Variants in CEP350 observed in about 807,000 individuals in gnomAD.
The protein encoded by CEP350 is centrosome-associated protein 350.
Under a neutral mutation model 331.8 loss-of-function variants are expected in CEP350, and 126 were observed. The observed-to-expected ratio is 0.38, with a 90% CI of 0.33 to 0.44. The LOEUF (loss-of-function observed/expected upper bound fraction) is 0.44. Ranked by LOEUF, CEP350 falls within the 20% of genes least tolerant of loss-of-function variation. The probability of loss-of-function intolerance (pLI) is 1.00; values close to 1 mark genes in which losing one functional copy is unlikely to be tolerated. For synonymous variants in CEP350, 1,200 were observed against 1,259.5 expected, an observed-to-expected ratio of 0.95 and a Z score of 1.00; for missense variants, 3,406 against 3,634.6, an observed-to-expected ratio of 0.94 and a Z score of 1.62.
rs552140121 is a variant in CEP350, at chr1:179,970,656, C to T, written c.-13-15513C>T. Among the ~76,000 whole-genome samples the T allele has an allele frequency of 1.9e-4, 29 of 152,212 alleles. 1 individual carries two copies. In the South Asian group the frequency reaches 3.9e-3, roughly 21 times the overall value. On this transcript the variant is annotated intron_variant, in intron 1 of 37. Transcript: ENST00000367607. ...AAGTCATTTTTTTCATCTTTTGTCC[C>T]TTAATGCCTGGCACTTAGTAGGAGG... is the stretch of plus-strand genomic sequence containing the variant.
chr1:180,102,020 A>G (rs1043755427), intron 37 of CEP350, among the ~76,000 whole-genome samples: 2 of 152,142 alleles, frequency 1.3e-5, no homozygotes, highest in Admixed American at 6.5e-5. Flanking sequence ...CCTTCCCCCA[A>G]GGTATTGGGT....
chr1:180,099,045 G>A (rs1301346866), intron 37 of CEP350, 60 bp downstream of exon 37: 2 of 1,527,732 alleles, frequency 1.3e-6, no homozygotes, highest in Non-Finnish European at 1.8e-6. Flanking sequence ...TCAGAATGCA[G>A]TTAGATTCTA....
intron 1 of CEP350, among the ~76,000 whole-genome samples, chr1:179,957,064 A>T (rs568027101): frequency 7.3e-4 from 111 of 152,256 alleles, no homozygotes; most frequent in African/African-American, 2.6e-3. Context: ...ATGAATTATG[A>T]TGGATCACTT....
intron 18 of CEP350, 130 bp downstream of exon 18, chr1:180,041,378 T>C (rs767813619): frequency 3.4e-5 from 24 of 709,022 alleles, no homozygotes; most frequent in Non-Finnish European, 5.5e-5. Context: ...GTACTTTTTA[T>C]GGGATAATGC....
At chr1:180,034,140 A>T in intron 16 of CEP350, 58 bp downstream of exon 16, 1 of 1,527,002 alleles carries the variant, frequency 6.5e-7, no homozygotes, top group Non-Finnish European at 8.9e-7. Flanking sequence ...TTTTTCTCTC[A>T]ACATTCCTTT....
intron 10 of CEP350, 123 bp downstream of exon 10, chr1:180,014,628 C>A: frequency 1.1e-6 from 1 of 888,226 alleles, no homozygotes; most frequent in Non-Finnish European, 1.6e-6. Flanking sequence ...TAATCATGGC[C>A]TTCATGAAAT....
At chr1:180,066,434 T>G (rs984112100) in intron 27 of CEP350, among the ~76,000 whole-genome samples, 3 of 152,342 alleles carry the variant, frequency 2.0e-5, no homozygotes, top group African/African-American at 7.2e-5. Flanking sequence ...TCACCAAATT[T>G]AATAATGCTC....
At chr1:180,073,171 A>C (rs1479279135) in intron 27 of CEP350, among the ~76,000 whole-genome samples, 2 of 152,070 alleles carry the variant, frequency 1.3e-5, no homozygotes, top group African/African-American at 4.8e-5. Context: ...AGTGTATTTC[A>C]ATATTATTAA....
chr1:180,018,181 T>A (rs1034339580), intron 11 of CEP350, among the ~76,000 whole-genome samples: 1 of 152,126 alleles, frequency 6.6e-6, no homozygotes, highest in African/African-American at 2.4e-5. Flanking sequence ...AATTTTATTT[T>A]GTTTTTTATT....
intron 14 of CEP350, 98 bp from the exon 15 acceptor site, chr1:180,031,222 T>A (rs1656000552): frequency 3.0e-6 from 2 of 674,138 alleles, no homozygotes; most frequent in Admixed American, 3.1e-5. Context: ...ATATTCTGAT[T>A]TATACTTTTT....
At chr1:179,987,614 C>G (rs1220339751) in intron 3 of CEP350, among the ~76,000 whole-genome samples, 1 of 151,418 alleles carries the variant, frequency 6.6e-6, no homozygotes, top group Non-Finnish European at 1.5e-5. Flanking sequence ...ATTAGGAGCA[C>G]AAGCATCATG....
chr1:180,024,606 CT>C, intron 14 of CEP350, 24 bp downstream of exon 14: 1 of 1,581,798 alleles, frequency 6.3e-7, no homozygotes, highest in Non-Finnish European at 8.6e-7. Context: ...CACATGGTAA[CT>C]TTTTCTCTTA....
chr1:180,035,492 T>TA (rs1237812929), intron 16 of CEP350, among the ~76,000 whole-genome samples: 5 of 152,188 alleles, frequency 3.3e-5, no homozygotes, highest in Admixed American at 2.6e-4. Context: ...GCTGATGACT[T>TA]AAAGTTGAAG....
intron 27 of CEP350, among the ~76,000 whole-genome samples, chr1:180,071,220 G>A (rs1367487660): frequency 2.0e-5 from 3 of 151,420 alleles, no homozygotes; most frequent in African/African-American, 7.3e-5. Flanking sequence ...TACTTTGGGA[G>A]GCCGAGGAGG....
intron 8 of CEP350, among the ~76,000 whole-genome samples, chr1:180,008,446 G>GTTAGCTA (rs56024607): frequency 0.56 from 85,120 of 151,144 alleles, 25,859 homozygotes; most frequent in East Asian, 0.71. Flanking sequence ...AGACTCAACT[G>GTTAGCTA]TTAGCTATGA....
At chr1:180,067,405 G>A (rs1658606677) in intron 27 of CEP350, among the ~76,000 whole-genome samples, 1 of 152,146 alleles carries the variant, frequency 6.6e-6, no homozygotes, top group Non-Finnish European at 1.5e-5. Flanking sequence ...ATCTGAGGAT[G>A]AGGCCGGGCC....
chr1:180,004,902 G>GCTTGCTTT (rs1355397317), intron 7 of CEP350, among the ~76,000 whole-genome samples: 2 of 125,430 alleles, frequency 1.6e-5, no homozygotes, highest in Non-Finnish European at 3.3e-5. Flanking sequence ...TTGCTTGCTT[G>GCTTGCTTT]CTTGCTTTCT....
At chr1:180,083,978 A>C in intron 30 of CEP350, 40 bp from the exon 31 acceptor site, 1 of 1,123,604 alleles carries the variant, frequency 8.9e-7, no homozygotes. Context: ...CATTATTCTT[A>C]AGTCAAAATT....
At chr1:180,051,624 T>C (rs767461921) in intron 22 of CEP350, among the ~76,000 whole-genome samples, 8 of 152,198 alleles carry the variant, frequency 5.3e-5, no homozygotes, top group Non-Finnish European at 8.8e-5. Context: ...TAATCATGCA[T>C]ACACACACAT....
Sources: gnomAD v4.1 joint callset for allele counts (sites outside exome capture counted in the v4.1 genomes callset) on GRCh38, gnomAD v4.1.1 for gene constraint, MANE v1.5 for transcripts, NCBI Gene and HGNC (gene_info 2026-07-23, HGNC 2026-07-21) for gene names.